MYO3B: variants seen among roughly 807,000 people sequenced by gnomAD.
MYO3B encodes myosin-IIIb.
Under a neutral mutation model 174.6 loss-of-function variants are expected in MYO3B, and 156 were observed. That is an observed-to-expected ratio of 0.89 (90% CI 0.78 to 1.02). The LOEUF (loss-of-function observed/expected upper bound fraction) is 1.02, where lower values mean the gene tolerates loss of function less well. Ranked by LOEUF, MYO3B falls within the 50% of genes least tolerant of loss-of-function variation. The pLI is 0.00. For synonymous variants in MYO3B, 563 were observed against 569.1 expected (o/e 0.99, Z 0.15); for missense variants, 1,632 against 1,639.4 (o/e 1.00, Z 0.08).
At chr2:170,265,793 G>A (rs890608453) in intron 7 of MYO3B, among the ~76,000 whole-genome samples, 1 of 151,786 alleles carries the variant, frequency 6.6e-6, no homozygotes, top group Non-Finnish European at 1.5e-5. Context: ...TCTATTTCTT[G>A]GCTCATTCTA....
chr2:170,453,444 ACACACACAC>A lies in MYO3B; in HGVS notation c.2730+9399_2730+9407del, dbSNP rs1349862851. Among the ~76,000 whole-genome samples the A allele has an allele frequency of 6.7e-5, 9 of 133,796 alleles. 1 individual carries two copies. The East Asian group carries it at 8.8e-4, about 13-fold the overall frequency. 87.8% of individuals were successfully genotyped at this position (133,796 alleles called of 152,430 possible). A position where few individuals can be genotyped will look rare whatever the true frequency, so the allele number is the denominator to read the frequency against. On this transcript the variant is annotated intron_variant, in intron 23 of 34. Coordinates refer to ENST00000408978, the MANE Select transcript of MYO3B (RefSeq NM_138995.5). The stretch of plus-strand genomic sequence containing the variant: ...CACACACACACACACACACACACAC[ACACACACAC>A]GAGAGAGAGAGAGAGAAAGAGAGAG...
chr2:170,257,253 C>T (rs979972704), intron 7 of MYO3B, among the ~76,000 whole-genome samples: 1 of 152,124 alleles, frequency 6.6e-6, no homozygotes, highest in African/African-American at 2.4e-5. Context: ...TAGATGTCTA[C>T]AGAATATTCC....
chr2:170,580,754 G>T (rs550327735), intron 32 of MYO3B, among the ~76,000 whole-genome samples: 2 of 151,044 alleles, frequency 1.3e-5, no homozygotes, highest in South Asian at 2.1e-4. Flanking sequence ...GTGTGTGTGT[G>T]TGTGTATGAA....
intron 7 of MYO3B, among the ~76,000 whole-genome samples, chr2:170,315,669 A>G (rs900792771): frequency 6.6e-6 from 1 of 152,226 alleles, no homozygotes; most frequent in Non-Finnish European, 1.5e-5. Flanking sequence ...TTCATGTTTG[A>G]CAGTGTTAAA....
At chr2:170,483,352 T>A (rs1202184946) in intron 25 of MYO3B, among the ~76,000 whole-genome samples, 2 of 150,018 alleles carry the variant, frequency 1.3e-5, no homozygotes, top group Non-Finnish European at 3.0e-5. Context: ...AGTGGCTGAA[T>A]TAAAACTCCT....
rs547067928 is a variant in MYO3B, at chr2:170,468,187, G to A, written c.3014+1476G>A. Among the ~76,000 whole-genome samples the A allele has an allele frequency of 1.0e-3, 158 of 152,262 alleles. 2 individuals are homozygous for A. The highest frequency in any genetic ancestry group is 3.6e-3 in the African/African-American group (149 of 41,540). ...TTTTGAACCACTTAACAAAATGGAT[G>A]AGTTAGCAGTTTTCTCCCTTGATGT... On this transcript the variant is annotated intron_variant, in intron 25 of 34. Coordinates refer to ENST00000408978, the MANE Select transcript of MYO3B (RefSeq NM_138995.5).
intron 32 of MYO3B, among the ~76,000 whole-genome samples, chr2:170,588,584 G>A (rs1035868329): frequency 1.3e-5 from 2 of 152,166 alleles, no homozygotes; most frequent in Non-Finnish European, 2.9e-5. Flanking sequence ...CCAAGATTTT[G>A]CATATTGTTG....
intron 30 of MYO3B, among the ~76,000 whole-genome samples, chr2:170,537,476 T>TTTTTTTG (rs1391959272): frequency 8.6e-6 from 1 of 116,644 alleles, no homozygotes; most frequent in African/African-American, 3.3e-5. Context: ...TTTTTTTTTT[T>TTTTTTTG]TTTTTGGTGG....
chr2:170,375,547 T>C (rs1262103504), intron 9 of MYO3B, among the ~76,000 whole-genome samples: 2 of 152,010 alleles, frequency 1.3e-5, no homozygotes, highest in African/African-American at 4.8e-5. Context: ...TGGGTTGTCA[T>C]GTCGCCCTTG....
intron 33 of MYO3B, among the ~76,000 whole-genome samples, 169 bp from the exon 34 acceptor site, chr2:170,651,939 G>A (rs1699040035): frequency 6.8e-6 from 1 of 147,594 alleles, no homozygotes; most frequent in South Asian, 2.2e-4. Flanking sequence ...TCAAAGACGA[G>A]CAAGATGCAT....
intron 23 of MYO3B, among the ~76,000 whole-genome samples, chr2:170,458,774 G>A (rs897971889): frequency 3.3e-5 from 5 of 152,118 alleles, no homozygotes; most frequent in African/African-American, 9.7e-5. Context: ...GTTCCTTGTC[G>A]GAAATTCTTT....
intron 7 of MYO3B, among the ~76,000 whole-genome samples, chr2:170,268,485 G>T (rs2093400884): frequency 6.6e-6 from 1 of 152,176 alleles, no homozygotes; most frequent in African/African-American, 2.4e-5. Context: ...ATTAAATCTT[G>T]AATAATATAG....
chr2:170,457,245 T>A (rs1683960752), intron 23 of MYO3B, among the ~76,000 whole-genome samples: 1 of 152,188 alleles, frequency 6.6e-6, no homozygotes, highest in South Asian at 2.1e-4. Flanking sequence ...TATACTGAAT[T>A]TATTTTAAAA....
chr2:170,297,612 T>A (rs1467945375), intron 7 of MYO3B, among the ~76,000 whole-genome samples: 3 of 152,228 alleles, frequency 2.0e-5, no homozygotes, highest in African/African-American at 4.8e-5. Flanking sequence ...ATTGCGATTA[T>A]CCCCAGGGTG....
At chr2:170,590,246 G>A (rs1230502647) in intron 32 of MYO3B, among the ~76,000 whole-genome samples, 2 of 152,150 alleles carry the variant, frequency 1.3e-5, no homozygotes, top group Non-Finnish European at 2.9e-5. Context: ...AAAAGGGATA[G>A]GAGAGTAAAT....
At chr2:170,296,148 G>T (rs1456958845) in intron 7 of MYO3B, among the ~76,000 whole-genome samples, 1 of 152,186 alleles carries the variant, frequency 6.6e-6, no homozygotes, top group Non-Finnish European at 1.5e-5. Flanking sequence ...TGAGAGACAG[G>T]CCCTACATCT....
intron 32 of MYO3B, among the ~76,000 whole-genome samples, chr2:170,616,069 A>G (rs1695446429): frequency 6.6e-6 from 1 of 152,244 alleles, no homozygotes; most frequent in Non-Finnish European, 1.5e-5. Flanking sequence ...TCCATAACCT[A>G]TGATTAGCAA....
At chr2:170,357,906 A>G in intron 8 of MYO3B, among the ~76,000 whole-genome samples, 1 of 152,222 alleles carries the variant, frequency 6.6e-6, no homozygotes, top group Non-Finnish European at 1.5e-5. Flanking sequence ...TAATCCCAGC[A>G]CTTTGGGAGG....
At chr2:170,542,629 G>A (rs1407179510) in intron 30 of MYO3B, among the ~76,000 whole-genome samples, 3 of 152,110 alleles carry the variant, frequency 2.0e-5, no homozygotes, top group South Asian at 2.1e-4. Flanking sequence ...AATAGAGCTC[G>A]CTAAACCAAA....
Sources: allele counts gnomAD v4.1 joint callset (sites outside exome capture counted in the v4.1 genomes callset), GRCh38; gene constraint gnomAD v4.1.1; transcripts MANE v1.5; gene names NCBI Gene and HGNC (gene_info 2026-07-23, HGNC 2026-07-21).